The following COL22A1 variants were observed in gnomAD, a reference collection of about 807,000 sequenced individuals.
COL22A1 encodes collagen alpha-1(XXII) chain.
In COL22A1, 221 loss-of-function variants were observed where a neutral mutation model predicts 248.9. The ratio of observed to expected loss-of-function variants is 0.89; its 90% CI spans 0.80 to 0.99. COL22A1 has a LOEUF of 0.99. Among genes scored for constraint, COL22A1 ranks in the 50% least tolerant of loss-of-function variants. The pLI is 0.00. For synonymous variants in COL22A1, 891 were observed against 793.4 expected (o/e 1.12, Z -2.07); for missense variants, 2,240 against 2,179.0 (o/e 1.03, Z -0.56).
At chr8:138,801,564 G>T (rs1817002461) in intron 11 of COL22A1, among the ~76,000 whole-genome samples, 1 of 152,012 alleles carries the variant, frequency 6.6e-6, no homozygotes, top group African/African-American at 2.4e-5. Context: ...ACCCACTATG[G>T]GCCAGGCATT....
At chr8:138,755,235 T>A (rs763623387) in intron 20 of COL22A1, 25 bp from the exon 21 acceptor site, 1 of 1,611,854 alleles carries the variant, frequency 6.2e-7, no homozygotes, top group Non-Finnish European at 8.5e-7. Context: ...CAAACAGATG[T>A]TTAGTCATGA....
At chr8:138,609,970 T>C (rs1818731392) in intron 56 of COL22A1, among the ~76,000 whole-genome samples, 1 of 152,324 alleles carries the variant, frequency 6.6e-6, no homozygotes, top group South Asian at 2.1e-4. Flanking sequence ...TCAACCCTTT[T>C]GAGCTCCAAA....
intron 6 of COL22A1, among the ~76,000 whole-genome samples, chr8:138,822,837 A>G (rs1400730855): frequency 6.6e-6 from 1 of 151,922 alleles, no homozygotes; most frequent in African/African-American, 2.4e-5. Context: ...TTGGACATAT[A>G]TCCTCCTCTG....
chr8:138,804,223 G>T (rs1817259575), intron 10 of COL22A1, among the ~76,000 whole-genome samples: 1 of 152,212 alleles, frequency 6.6e-6, no homozygotes. Flanking sequence ...CCCGAGCTCT[G>T]TGTAGGGACA....
In COL22A1 at chr8:138,672,826, C is replaced by T. The variant is rs191953103; in HGVS notation, c.3150+3732G>A. Among the ~76,000 whole-genome samples the T allele has an allele frequency of 2.2e-3, 332 of 152,240 alleles. 1 individual carries two copies. The highest frequency in any genetic ancestry group is 7.3e-3 in the African/African-American group (303 of 41,554). Reference sequence around the variant, plus strand: ...CTGATCCATCAGGAAACTGAGGGCCCGAGTAGGAAGGAGCAAGTCCTGGGT... The same window carrying T: ...CTGATCCATCAGGAAACTGAGGGCCTGAGTAGGAAGGAGCAAGTCCTGGGT... On this transcript the variant is annotated intron_variant, in intron 41 of 64. Transcript: ENST00000303045.
chr8:138,622,755 A>C (rs1463144494), intron 52 of COL22A1, among the ~76,000 whole-genome samples: 2 of 152,012 alleles, frequency 1.3e-5, no homozygotes, highest in East Asian at 3.9e-4. Flanking sequence ...TCTACTTCAC[A>C]ATCTATCTAG....
intron 10 of COL22A1, 104 bp downstream of exon 10, chr8:138,807,664 A>G (rs1460287975): frequency 2.7e-6 from 3 of 1,096,648 alleles, no homozygotes; most frequent in African/African-American, 3.2e-5. Context: ...GAGGCAAAAT[A>G]TTAGCAAGGC....
rs770478860 is a variant in COL22A1 at position 138,636,532 on chromosome 8, A to AAAGGCAAGGAAAGGCAAGGC, written c.3555+209_3555+210insGCCTTGCCTTTCCTTGCCTT. Among the ~76,000 whole-genome samples, 15 of 82,340 alleles carry AAAGGCAAGGAAAGGCAAGGC rather than the reference A, an allele frequency of 1.8e-4. 1 individual carries two copies. In the East Asian group the frequency reaches 2.8e-3, roughly 15 times the overall value. The allele number at this position is 82,340 out of a possible 152,430, so 54.0% of individuals were successfully genotyped here. A position where few individuals can be genotyped will look rare whatever the true frequency, so the allele number is the denominator to read the frequency against. On this transcript the variant is annotated intron_variant, in intron 48 of 64. Transcript: ENST00000303045. Reference sequence around the variant, plus strand: ...AAAGGAAAGGAAAGGAAAGGAAAGGAAAGGCAGGGAGGCTTCTCCAATAAT... The same window carrying AAAGGCAAGGAAAGGCAAGGC: ...AAAGGAAAGGAAAGGAAAGGAAAGGAAAGGCAAGGAAAGGCAAGGCAAGGCAGGGAGGCTTCTCCAATAAT...
chr8:138,671,869 T>G (rs1012724280), intron 41 of COL22A1, among the ~76,000 whole-genome samples: 20 of 152,246 alleles, frequency 1.3e-4, no homozygotes, highest in Non-Finnish European at 2.6e-4. Flanking sequence ...TATGATTTTT[T>G]TCATAACTTT....
intron 6 of COL22A1, among the ~76,000 whole-genome samples, chr8:138,824,556 T>G (rs1365275090): frequency 2.0e-5 from 3 of 152,186 alleles, no homozygotes; most frequent in Non-Finnish European, 4.4e-5. Context: ...ACAAGACTTA[T>G]TGAAACCCAG....
At chr8:138,872,460 T>C (rs567650788) in intron 3 of COL22A1, among the ~76,000 whole-genome samples, 2 of 152,254 alleles carry the variant, frequency 1.3e-5, no homozygotes, top group Non-Finnish European at 2.9e-5. Context: ...AGGACCACCA[T>C]AGTGTGTCCT....
chr8:138,821,255 C>T lies in COL22A1; in HGVS notation c.1126G>A (p.Val376Ile), dbSNP rs187494226. ...KMALSIQAQN[V>I]SLHIDCALVQ... ...AGCGCACAGTCAATGTGCAGGGAGACGTTCTGGGCCTGGATGCTCAGGGCC... is the reference window on the plus strand; with the variant it reads ...AGCGCACAGTCAATGTGCAGGGAGATGTTCTGGGCCTGGATGCTCAGGGCC... Residue 376 changes from valine to isoleucine, a missense_variant, in exon 7 of 65, where the codon GTC becomes ATC. Physicochemically the swap from Val to Ile is conservative, Grantham distance 29. Coordinates refer to ENST00000303045, the MANE Select transcript of COL22A1 (RefSeq NM_152888.3). 6.1e-5 allele frequency: 99 copies of T among 1,614,196 alleles called. No homozygotes were observed. The East Asian group carries it at 2.0e-3, about 33-fold the overall frequency.
intron 43 of COL22A1, among the ~76,000 whole-genome samples, chr8:138,661,017 C>T (rs1313780399): frequency 9.8e-5 from 11 of 111,862 alleles, no homozygotes; most frequent in South Asian, 3.3e-4. Flanking sequence ...GACACACACA[C>T]GCACATACAC....
intron 42 of COL22A1, among the ~76,000 whole-genome samples, chr8:138,663,391 T>C (rs1465228899): frequency 6.6e-6 from 1 of 152,178 alleles, no homozygotes; most frequent in Non-Finnish European, 1.5e-5. Context: ...GGATTCAAAA[T>C]TAGTTCTTCA....
At chr8:138,628,962 T>C (rs1820487579) in intron 50 of COL22A1, among the ~76,000 whole-genome samples, 2 of 152,000 alleles carry the variant, frequency 1.3e-5, no homozygotes, top group South Asian at 4.2e-4. Flanking sequence ...AGACAGCGTT[T>C]CACAGCCAGG....
chr8:138,764,284 C>G (rs371805063), intron 16 of COL22A1, among the ~76,000 whole-genome samples: 1 of 152,202 alleles, frequency 6.6e-6, no homozygotes, highest in Non-Finnish European at 1.5e-5. Context: ...AGGTTTTCTT[C>G]CTTGTGTGGC....
chr8:138,599,515 A>C (rs547553110), intron 60 of COL22A1, among the ~76,000 whole-genome samples: 1 of 151,756 alleles, frequency 6.6e-6, no homozygotes, highest in Admixed American at 6.6e-5. Flanking sequence ...CAAAACAAAA[A>C]CATGGGCAGC....
intron 6 of COL22A1, among the ~76,000 whole-genome samples, chr8:138,822,978 G>A (rs1176914853): frequency 1.3e-5 from 2 of 152,068 alleles, no homozygotes; most frequent in Non-Finnish European, 2.9e-5. Flanking sequence ...TCCCTTAACC[G>A]CATCAGCTCC....
chr8:138,660,301 T>C, intron 44 of COL22A1, 135 bp downstream of exon 44: 3 of 701,568 alleles, frequency 4.3e-6, no homozygotes, highest in Non-Finnish European at 7.5e-6. Flanking sequence ...CAACATCCCA[T>C]ATTAGTTTCC....
Sources: allele counts gnomAD v4.1 joint callset (sites outside exome capture counted in the v4.1 genomes callset), GRCh38; gene constraint gnomAD v4.1.1; transcripts MANE v1.5; gene names NCBI Gene and HGNC (gene_info 2026-07-23, HGNC 2026-07-21).